The following TGFA variants were observed in gnomAD, a reference collection of about 807,000 sequenced individuals.
The protein encoded by TGFA is protransforming growth factor alpha.
In TGFA, 12 loss-of-function variants were observed where a neutral mutation model predicts 21.7. That is an observed-to-expected ratio of 0.55 (90% CI 0.35 to 0.90). The LOEUF is 0.90. Ranked by LOEUF, TGFA falls within the 40% of genes least tolerant of loss-of-function variation. TGFA has a pLI of 0.01. For missense variants in TGFA, 178 were observed against 210.8 expected, an observed-to-expected ratio of 0.84 and a Z score of 0.96; for synonymous variants, 79 against 88.1, an observed-to-expected ratio of 0.90 and a Z score of 0.58.
At chr2:70,547,413 A>G (rs1412570475) in intron 1 of TGFA, among the ~76,000 whole-genome samples, 2 of 151,936 alleles carry the variant, frequency 1.3e-5, no homozygotes, top group East Asian at 3.9e-4. Context: ...GGCCAACAAG[A>G]AGAAATCCTG....
chr2:70,485,988 C>T (rs1671261309), intron 2 of TGFA, among the ~76,000 whole-genome samples: 1 of 152,182 alleles, frequency 6.6e-6, no homozygotes, highest in African/African-American at 2.4e-5. Context: ...TCTACACTCC[C>T]AAATGCCAAG....
At chr2:70,470,841 GTTGT>G (rs1431293783) in intron 2 of TGFA, among the ~76,000 whole-genome samples, 8 of 151,970 alleles carry the variant, frequency 5.3e-5, no homozygotes, top group African/African-American at 1.9e-4. Context: ...TCATTAGAAG[GTTGT>G]TTATTAAAAA....
Position 70,456,497 on chromosome 2 carries a change from G to C in TGFA, c.216-9C>G. On this transcript the variant is annotated splice_polypyrimidine_tract_variant and intron_variant, in intron 3 of 5. Transcript: ENST00000295400. The stretch of plus-strand genomic sequence containing the variant: ...CGTACCCAGAATGGCAGCTGGGGAA[G>C]AAAGGAACGTCAGTGCACTCTCCTG... 4 of 1,600,432 alleles carry C rather than the reference G, an allele frequency of 2.5e-6. No individual in the cohort carries two copies. The highest frequency in any genetic ancestry group is 3.4e-6 in the Non-Finnish European group (4 of 1,173,480).
Position 70,453,208 on chromosome 2 carries a change from GTC to G in TGFA, c.475+8_475+9del. The G allele has an allele frequency of 6.2e-7, 1 of 1,610,612 alleles. No homozygotes were observed. ...CAATAGTGTCTCCCACCAGAGAAGA[GTC>G]TCCTTACCTGTTTCTGAGTGGCAGC... On this transcript the variant is annotated splice_region_variant and intron_variant, in intron 5 of 5. Coordinates refer to ENST00000295400, the MANE Select transcript of TGFA (RefSeq NM_003236.4).
intron 2 of TGFA, among the ~76,000 whole-genome samples, chr2:70,473,621 G>A (rs1280091448): frequency 6.6e-6 from 1 of 151,964 alleles, no homozygotes; most frequent in Non-Finnish European, 1.5e-5. Flanking sequence ...CACATTTACA[G>A]TAGGAAATTG....
intron 5 of TGFA, among the ~76,000 whole-genome samples, chr2:70,452,848 C>T (rs1156262710): frequency 6.6e-6 from 1 of 152,100 alleles, no homozygotes; most frequent in Non-Finnish European, 1.5e-5. Flanking sequence ...GAGGCTGAGG[C>T]AGGAGAATCA....
At chr2:70,518,667 A>G (rs1041418091) in intron 1 of TGFA, among the ~76,000 whole-genome samples, 5 of 152,342 alleles carry the variant, frequency 3.3e-5, no homozygotes, top group African/African-American at 7.2e-5. Context: ...AATTCTGCAC[A>G]GATACCCAGG....
chr2:70,471,630 A>G (rs1553493293), intron 2 of TGFA, among the ~76,000 whole-genome samples: 1 of 152,172 alleles, frequency 6.6e-6, no homozygotes, highest in Non-Finnish European at 1.5e-5. Flanking sequence ...GGCTATTCCT[A>G]TGAGAGGCAC....
In TGFA at chr2:70,476,094, A is replaced by AAT. The variant is rs1472275473; in HGVS notation, c.95-10359_95-10358insAT. ...GTAATTTTAAGCAAAAAAAAAAAAAAAAAAAAAAAAAAATTAAGAAAATTA... is the reference window on the plus strand; with the variant it reads ...GTAATTTTAAGCAAAAAAAAAAAAAAATAAAAAAAAAAAAATTAAGAAAATTA... On this transcript the variant is annotated intron_variant, in intron 2 of 5. Transcript: ENST00000295400. Among the ~76,000 whole-genome samples, 907 of 146,422 alleles carry AAT rather than the reference A, an allele frequency of 6.2e-3. 27 individuals are homozygous for AAT. The highest frequency in any genetic ancestry group is 0.023 in the African/African-American group (840 of 37,078).
At chr2:70,543,298 C>A (rs1208252669) in intron 1 of TGFA, among the ~76,000 whole-genome samples, 1 of 151,712 alleles carries the variant, frequency 6.6e-6, no homozygotes, top group South Asian at 2.1e-4. Context: ...GAGGCTGAGG[C>A]AGGTGGATCT....
chr2:70,457,656 CT>C (rs1670278332), intron 3 of TGFA, among the ~76,000 whole-genome samples: 1 of 151,988 alleles, frequency 6.6e-6, no homozygotes, highest in South Asian at 2.1e-4. Context: ...GTTCTCCTGC[CT>C]CAGCCTCCCG....
At chr2:70,520,701 A>G (rs1257982459) in intron 1 of TGFA, among the ~76,000 whole-genome samples, 3 of 152,194 alleles carry the variant, frequency 2.0e-5, no homozygotes, top group African/African-American at 7.2e-5. Context: ...ACAAAGGCAG[A>G]CAAGTGTAGG....
chr2:70,457,330 A>G (rs1174677641), intron 3 of TGFA, among the ~76,000 whole-genome samples: 3 of 152,050 alleles, frequency 2.0e-5, no homozygotes, highest in African/African-American at 7.2e-5. Context: ...GTGCTTCGGG[A>G]TGTGCCCTGG....
At chr2:70,477,250 C>T (rs1434416038) in intron 2 of TGFA, among the ~76,000 whole-genome samples, 3 of 152,140 alleles carry the variant, frequency 2.0e-5, no homozygotes, top group African/African-American at 7.2e-5. Flanking sequence ...ACAAAATAAT[C>T]ATTTAGAGAA....
chr2:70,509,975 C>T, intron 2 of TGFA, among the ~76,000 whole-genome samples: 1 of 152,182 alleles, frequency 6.6e-6, no homozygotes, highest in Non-Finnish European at 1.5e-5. Flanking sequence ...ATAGGTGCTG[C>T]CACCCTCGTC....
intron 1 of TGFA, among the ~76,000 whole-genome samples, chr2:70,541,699 G>A (rs1553505208): frequency 6.6e-6 from 1 of 152,130 alleles, no homozygotes; most frequent in Non-Finnish European, 1.5e-5. Flanking sequence ...TTTCTTTGTT[G>A]GGGGAGGAGA....
At chr2:70,512,796 G>A (rs1196946864) in intron 2 of TGFA, among the ~76,000 whole-genome samples, 1 of 152,224 alleles carries the variant, frequency 6.6e-6, no homozygotes, top group African/African-American at 2.4e-5. Context: ...AGACTTGGAG[G>A]AGGGGGTCAA....
chr2:70,453,355 G>A (rs1670121523), intron 4 of TGFA, 28 bp from the exon 5 acceptor site: 1 of 1,603,200 alleles, frequency 6.2e-7, no homozygotes, highest in Non-Finnish European at 8.5e-7. Context: ...ACCCAGTCTG[G>A]GCAGGAGCCT....
At chr2:70,521,697 C>G (rs760034533) in intron 1 of TGFA, among the ~76,000 whole-genome samples, 5 of 141,178 alleles carry the variant, frequency 3.5e-5, no homozygotes, top group Non-Finnish European at 7.6e-5. Flanking sequence ...TCACTGCAAC[C>G]TCTGCCTTCC....
Sources: gnomAD v4.1 joint callset for allele counts (sites outside exome capture counted in the v4.1 genomes callset) on GRCh38, gnomAD v4.1.1 for gene constraint, MANE v1.5 for transcripts, NCBI Gene and HGNC (gene_info 2026-07-23, HGNC 2026-07-21) for gene names.